Variants in NSD2 observed in about 807,000 individuals in gnomAD.
The protein encoded by NSD2 is nuclear receptor binding SET domain protein 2.
Under a neutral mutation model 139.0 loss-of-function variants are expected in NSD2, and 12 were observed. That is an observed-to-expected ratio of 0.09 (90% CI 0.06 to 0.14). The LOEUF (loss-of-function observed/expected upper bound fraction) is 0.14, where lower values mean the gene tolerates loss of function less well. NSD2 is among the 10% of genes least tolerant of loss of function. The pLI is 1.00. For missense variants in NSD2, 1,155 were observed against 1,745.0 expected (o/e 0.66, Z 6.02); for synonymous variants, 669 against 648.7 (o/e 1.03, Z -0.48).
chr4:1,931,623 C>T (rs1721644089), intron 6 of NSD2, among the ~76,000 whole-genome samples: 2 of 152,080 alleles, frequency 1.3e-5, no homozygotes, highest in Admixed American at 6.5e-5. Context: ...GAAGTCGGGG[C>T]CCAGAAGCGA....
At chr4:1,970,820 A>C (rs1726389137) in intron 18 of NSD2, among the ~76,000 whole-genome samples, 1 of 152,160 alleles carries the variant, frequency 6.6e-6, no homozygotes. Context: ...GGGTCACATA[A>C]AGGGCCGCCA....
chr4:1,980,963 G>A lies in NSD2; in HGVS notation c.*2054G>A, dbSNP rs1320134711. 4.3e-6 allele frequency: 1 copy of A among 233,146 alleles called. No homozygotes were observed. The highest frequency in any genetic ancestry group is 2.2e-5 in the African/African-American group (1 of 45,342). The allele number at this position is 233,146 out of a possible 1,614,324, so 14.4% of individuals were successfully genotyped here. On this transcript the variant is annotated 3_prime_UTR_variant, in exon 22 of 22. Coordinates refer to ENST00000508803, the MANE Select transcript of NSD2 (RefSeq NM_001042424.3). ...CCCCACACACACCTTAGAGTCGAAG[G>A]CCCCAGGGCCCCGCTGTCACTTGCC... is the stretch of plus-strand genomic sequence containing the variant.
At chr4:1,886,570 G>A (rs1475505544) in intron 1 of NSD2, among the ~76,000 whole-genome samples, 1 of 152,020 alleles carries the variant, frequency 6.6e-6, no homozygotes, top group Non-Finnish European at 1.5e-5. Context: ...GGTGACTCAC[G>A]CCTGTAATTC....
chr4:1,897,437 A>G (rs1446941961), intron 1 of NSD2, among the ~76,000 whole-genome samples: 2 of 151,854 alleles, frequency 1.3e-5, no homozygotes, highest in Non-Finnish European at 2.9e-5. Context: ...AGTGAGCTGA[A>G]ATTGTGCCAT....
chr4:1,939,754 T>G lies in NSD2; in HGVS notation c.1857T>G (p.Pro619=). The G allele has an allele frequency of 6.2e-7, 1 of 1,614,226 alleles. No individual in the cohort carries two copies. The highest frequency in any genetic ancestry group is 8.5e-7 in the Non-Finnish European group (1 of 1,180,032). The change falls in exon 9 of 22, where the codon CCT becomes CCG. Residue 619 remains proline, a synonymous_variant. Transcript: ENST00000508803. Reference sequence around the variant, plus strand: ...TTGGGTTTAGCAAAAGTTCATCTCCTTCTGCATCCTTAACTGAGAATGAGG... The same window carrying G: ...TTGGGTTTAGCAAAAGTTCATCTCCGTCTGCATCCTTAACTGAGAATGAGG... ...SALGFSKSSS[P]SASLTENEVS...
chr4:1,950,666 G>T (rs1724117120), intron 9 of NSD2, among the ~76,000 whole-genome samples: 1 of 152,210 alleles, frequency 6.6e-6, no homozygotes, highest in African/African-American at 2.4e-5. Context: ...TTCGTTTGGT[G>T]TTAGCATGTT....
intron 3 of NSD2, among the ~76,000 whole-genome samples, chr4:1,908,138 G>T (rs1163223215): frequency 6.6e-6 from 1 of 152,226 alleles, no homozygotes; most frequent in African/African-American, 2.4e-5. Flanking sequence ...GGCATCTGGT[G>T]GTTGTGCCTC....
intron 1 of NSD2, among the ~76,000 whole-genome samples, chr4:1,888,738 G>A (rs1165500971): frequency 6.6e-6 from 1 of 150,668 alleles, no homozygotes; most frequent in African/African-American, 2.4e-5. Flanking sequence ...GCTAATTTTT[G>A]TATTTTTAAT....
chr4:1,908,557 T>C lies in NSD2; in HGVS notation c.760+4179T>C, dbSNP rs143779528. Among the ~76,000 whole-genome samples the C allele has an allele frequency of 1.1e-4, 16 of 152,204 alleles. No homozygotes were observed. The East Asian group carries it at 2.7e-3, about 26-fold the overall frequency. On this transcript the variant is annotated intron_variant, in intron 3 of 21. Transcript: ENST00000508803. ...TCCAACTGAAAGGAGATTCAGATAA[T>C]CTTAAAAGAAAAGGGGTCAAAGGAA... is the stretch of plus-strand genomic sequence containing the variant.
In NSD2 at chr4:1,889,226, T is replaced by G. The variant is rs76269136; in HGVS notation, c.-29-11400T>G. Among the ~76,000 whole-genome samples, 16 of 152,252 alleles carry G rather than the reference T, an allele frequency of 1.1e-4. No individual in the cohort carries two copies. In the East Asian group the frequency reaches 2.3e-3, roughly 22 times the overall value. On this transcript the variant is annotated intron_variant, in intron 1 of 21. Transcript: ENST00000508803. The stretch of plus-strand genomic sequence containing the variant: ...TATTAGTATTTTTTGAGACAGGGTC[T>G]TCTTCTGCCACTCAGGCTGGAGTGC...
At position 1,918,203 on chromosome 4, in the gene NSD2, A is replaced by G. The variant is rs143425918; in HGVS notation, c.990A>G (p.Glu330=). Residue 330 remains glutamate, a synonymous_variant, in exon 5 of 22, where the codon GAA becomes GAG. Transcript: ENST00000508803. ...GGGAAATGGGCATTGTTCAAGCAGA[A>G]GAAGCTGCAAGCATGTCAGTGGAGG... ...AQWEMGIVQA[E]EAASMSVEER... is the part of the protein sequence containing the mutation. 549 of 1,613,542 alleles carry G rather than the reference A, an allele frequency of 3.4e-4. 5 individuals carry two copies. Among genetic ancestry groups the G allele is most frequent in the South Asian group, 1.8e-3 (166 of 91,074 alleles).
chr4:1,915,503 T>C (rs1241823522), intron 3 of NSD2, among the ~76,000 whole-genome samples: 1 of 152,200 alleles, frequency 6.6e-6, no homozygotes. Context: ...GGTTTCTCTG[T>C]TGGGTATCTT....
intron 1 of NSD2, among the ~76,000 whole-genome samples, chr4:1,879,824 T>TTGTGTGTGTGTGTGTGTG (rs140755867): frequency 4.9e-5 from 7 of 144,066 alleles, no homozygotes; most frequent in African/African-American, 1.5e-4. Flanking sequence ...CCCATGGCAC[T>TTGTGTGTGTGTGTGTGTG]TGTGTGTGTG....
At chr4:1,875,100 T>C (rs1714151279) in intron 1 of NSD2, among the ~76,000 whole-genome samples, 1 of 152,040 alleles carries the variant, frequency 6.6e-6, no homozygotes, top group Non-Finnish European at 1.5e-5. Flanking sequence ...TAGTTAGGAC[T>C]ACAGGCAGAT....
chr4:1,914,132 C>T lies in NSD2; in HGVS notation c.761-2739C>T, dbSNP rs563169469. ...CTGCCACTTGGGTTCAAGTGATTCTCGTGCCTCAGCCTCCCGAGTAGCTGG... is the reference window on the plus strand; with the variant it reads ...CTGCCACTTGGGTTCAAGTGATTCTTGTGCCTCAGCCTCCCGAGTAGCTGG... On this transcript the variant is annotated intron_variant, in intron 3 of 21. Transcript: ENST00000508803. Among the ~76,000 whole-genome samples, 9 of 152,280 alleles carry T rather than the reference C, an allele frequency of 5.9e-5. No individual in the cohort carries two copies. The South Asian group carries it at 6.2e-4, about 11-fold the overall frequency.
chr4:1,975,229 G>A (rs1025433260), intron 19 of NSD2, 65 bp from the exon 20 acceptor site: 39 of 1,513,200 alleles, frequency 2.6e-5, no homozygotes, highest in South Asian at 4.5e-5. Flanking sequence ...CCTAATACAC[G>A]CCCCTTAGCT....
At chr4:1,899,717 G>T (rs1292007902) in intron 1 of NSD2, among the ~76,000 whole-genome samples, 1 of 152,180 alleles carries the variant, frequency 6.6e-6, no homozygotes, top group Non-Finnish European at 1.5e-5. Flanking sequence ...CTGTAGCTTT[G>T]CAGGGAAGAC....
Position 1,942,032 on chromosome 4 carries a change from G to A in NSD2, c.1881+2254G>A. 8.6e-7 allele frequency: 1 copy of A among 1,156,710 alleles called. No individual in the cohort carries two copies. The highest frequency in any genetic ancestry group is 1.6e-5 in the African/African-American group (1 of 63,408). The allele number at this position is 1,156,710 out of a possible 1,614,324, so 71.7% of individuals were successfully genotyped here. Reference sequence around the variant, plus strand: ...TGGGTCACACCCCCTTTGCATGTTTGTATTTCCTCCCTTTCATCACATTTG... The same window carrying A: ...TGGGTCACACCCCCTTTGCATGTTTATATTTCCTCCCTTTCATCACATTTG... On this transcript the variant is annotated intron_variant, in intron 9 of 21. Transcript: ENST00000508803. The surrounding 1 kb of genome is among the most constrained non-coding windows in gnomAD (Gnocchi z 4.0).
intron 1 of NSD2, among the ~76,000 whole-genome samples, chr4:1,898,082 C>T (rs1716606086): frequency 6.6e-6 from 1 of 151,952 alleles, no homozygotes; most frequent in African/African-American, 2.4e-5. Flanking sequence ...CTGTGAGGCT[C>T]TGCTTCCTTT....
Sources: allele counts gnomAD v4.1 joint callset (sites outside exome capture counted in the v4.1 genomes callset), GRCh38; gene constraint gnomAD v4.1.1; non-coding constraint Gnocchi (gnomAD v3.1); transcripts MANE v1.5; gene names NCBI Gene and HGNC (gene_info 2026-07-23, HGNC 2026-07-21).